ASPHD1: variants seen among roughly 807,000 people sequenced by gnomAD.
ASPHD1 encodes the protein aspartate beta-hydroxylase domain containing 1.
Under a neutral mutation model 28.3 loss-of-function variants are expected in ASPHD1, and 20 were observed. The observed-to-expected ratio is 0.71, with a 90% CI of 0.50 to 1.03. The LOEUF (loss-of-function observed/expected upper bound fraction) is 1.03, where lower values mean the gene tolerates loss of function less well. Among genes scored for constraint, ASPHD1 ranks in the 50% least tolerant of loss-of-function variants. The probability of loss-of-function intolerance (pLI) is 0.00; values close to 1 mark genes in which losing one functional copy is unlikely to be tolerated. For missense variants in ASPHD1, 479 were observed against 524.1 expected, an observed-to-expected ratio of 0.91 and a Z score of 0.84; for synonymous variants, 240 against 221.2, an observed-to-expected ratio of 1.08 and a Z score of -0.75.
intron 3 of ASPHD1, among the ~76,000 whole-genome samples, chr16:29,912,533 C>A (rs1269463399): frequency 6.6e-6 from 1 of 152,212 alleles, no homozygotes; most frequent in Non-Finnish European, 1.5e-5. Context: ...CTCCACCTCC[C>A]GGGTTAAAGC....
chr16:29,902,178 A>G (rs2068558969), intron 1 of ASPHD1, among the ~76,000 whole-genome samples: 1 of 152,180 alleles, frequency 6.6e-6, no homozygotes, highest in Non-Finnish European at 1.5e-5. Flanking sequence ...TACGTATTTA[A>G]AAGAAATATT....
downstream of ASPHD1, chr16:29,919,816 AT>A (rs1461937653): frequency 3.3e-5 from 5 of 152,166 alleles, no homozygotes; most frequent in Admixed American, 3.3e-4. Flanking sequence ...TTTTTAGATT[AT>A]TTGTGTTTCT....
At position 29,905,774 on chromosome 16, in the gene ASPHD1, C is replaced by G. The variant is rs2068602117; in HGVS notation, c.1064-14C>G. ...ATGTCAGTGGCTCTGCTGTTCCTGT[C>G]CCATGTGCCCTAGGCTCCCCCGAAG... On this transcript the variant is annotated splice_polypyrimidine_tract_variant and intron_variant, in intron 2 of 2. Coordinates refer to ENST00000308748, the MANE Select transcript of ASPHD1 (RefSeq NM_181718.4). 1.2e-6 allele frequency: 2 copies of G among 1,605,656 alleles called. No homozygotes were observed. The highest frequency in any genetic ancestry group is 2.2e-5 in the South Asian group (2 of 90,802).
In ASPHD1 at chr16:29,901,550, A is replaced by C; in HGVS notation, c.579A>C (p.Pro193=). ...GIQRPGLLFL[P]DLPSAPFVPR... is the part of the protein sequence containing the mutation. ...AGCGCCCAGGCCTGCTTTTCCTACC[A>C]GACCTGCCTTCAGCCCCCTTTGTGC... The change falls in exon 1 of 3, where the codon CCA becomes CCC. Residue 193 remains proline (P), a synonymous_variant. Coordinates refer to ENST00000308748, the MANE Select transcript of ASPHD1 (RefSeq NM_181718.4). This position sits in a 1 kb window ranked among gnomAD's most constrained non-coding sequence, Gnocchi z 5.1. 6.4e-7 allele frequency: 1 copy of C among 1,558,738 alleles called. No individual in the cohort carries two copies. Among genetic ancestry groups the C allele is most frequent in the Non-Finnish European group, 8.6e-7 (1 of 1,158,746 alleles).
chr16:29,906,560 C>A, downstream of ASPHD1: 1 of 512,292 alleles, frequency 2.0e-6, no homozygotes, highest in Non-Finnish European at 3.8e-6. Flanking sequence ...TTGGCATGGA[C>A]GATGCACTAA....
intron 3 of ASPHD1, chr16:29,912,099 TC>T: frequency 7.8e-7 from 1 of 1,280,586 alleles, no homozygotes; most frequent in Non-Finnish European, 1.1e-6. Context: ...GGCCACGTAC[TC>T]CCCCACTTAA....
chr16:29,911,768 T>A (rs1488313604), intron 3 of ASPHD1: 1 of 1,603,114 alleles, frequency 6.2e-7, no homozygotes, highest in Admixed American at 1.7e-5. Context: ...AGCAGGGCTG[T>A]GCTGCATCCC....
At position 29,902,883 on chromosome 16, in the gene ASPHD1, C is replaced by CTTTTTTTTTTTTTTTTTTTTTTTTT. The variant is rs370689330; in HGVS notation, c.949+968_949+969insTTTTTTTTTTTTTTTTTTTTTTTTT. On this transcript the variant is annotated intron_variant, in intron 1 of 2. Coordinates refer to ENST00000308748, the MANE Select transcript of ASPHD1 (RefSeq NM_181718.4). ...CAGTAGCACCAAACTGAGATTTTTT[C>CTTTTTTTTTTTTTTTTTTTTTTTTT]TTTTTCTTTTTTTTTTTTTTTTGAG... Among the ~76,000 whole-genome samples the CTTTTTTTTTTTTTTTTTTTTTTTTT allele has an allele frequency of 1.9e-5, 2 of 107,552 alleles. 1 individual carries two copies. Among genetic ancestry groups the CTTTTTTTTTTTTTTTTTTTTTTTTT allele is most frequent in the Non-Finnish European group, 3.6e-5 (2 of 55,072 alleles). The allele number at this position is 107,552 out of a possible 152,430, so 70.6% of individuals were successfully genotyped here.
chr16:29,907,883 A>C (rs975770685), downstream of ASPHD1, among the ~76,000 whole-genome samples: 1 of 152,050 alleles, frequency 6.6e-6, no homozygotes, highest in African/African-American at 2.4e-5. Flanking sequence ...CCTGACTGTA[A>C]TCCCAGCACA....
intron 3 of ASPHD1, chr16:29,912,159 G>T: frequency 1.4e-6 from 1 of 715,462 alleles, no homozygotes; most frequent in Non-Finnish European, 2.4e-6. Context: ...TCAGTGGTCC[G>T]CAGGGCTCTG....
At chr16:29,905,700 C>CTGT in intron 2 of ASPHD1, 88 bp from the exon 3 acceptor site, 1 of 580,358 alleles carries the variant, frequency 1.7e-6, no homozygotes, top group South Asian at 1.8e-5. Context: ...CACTTATTTA[C>CTGT]TGTTTGCTTT....
intron 3 of ASPHD1, chr16:29,913,956 A>C (rs2068762757): frequency 6.6e-6 from 1 of 152,192 alleles, no homozygotes; most frequent in African/African-American, 2.4e-5. Flanking sequence ...CAACCACCCA[A>C]GTAGCTGGGA....
chr16:29,900,589 G>A lies in ASPHD1; in HGVS notation c.-383G>A. The A allele has an allele frequency of 3.9e-6, 1 of 257,540 alleles. No homozygotes were observed. Among genetic ancestry groups the A allele is most frequent in the Non-Finnish European group, 7.5e-6 (1 of 134,022 alleles). The allele number at this position is 257,540 out of a possible 1,614,324, so 16.0% of individuals were successfully genotyped here. ...AGGGTGAGTGGGAGCCCAGGAAGGAGCGAGTAGGAGAGAGGGAGCGAGAGC... is the reference window on the plus strand; with the variant it reads ...AGGGTGAGTGGGAGCCCAGGAAGGAACGAGTAGGAGAGAGGGAGCGAGAGC... On this transcript the variant is annotated 5_prime_UTR_variant, in exon 1 of 3. Transcript: ENST00000308748.
chr16:29,903,022 G>A (rs1481846814), intron 1 of ASPHD1, among the ~76,000 whole-genome samples: 1 of 151,462 alleles, frequency 6.6e-6, no homozygotes, highest in Non-Finnish European at 1.5e-5. Context: ...TGAGTAGCTG[G>A]GACCACAGGT....
In ASPHD1 at chr16:29,900,952, G is replaced by A. The variant is rs1195966709; in HGVS notation, c.-20G>A. The A allele has an allele frequency of 1.9e-6, 3 of 1,548,020 alleles. No homozygotes were observed. In the African/African-American group the frequency reaches 4.1e-5, roughly 21 times the overall value. ...GGAGAGAGAAAGGGGAGAGAAAGGA[G>A]AGAGGAGGGTTGGAGGTGCATGAAG... On this transcript the variant is annotated 5_prime_UTR_variant, in exon 1 of 3. Coordinates refer to ENST00000308748, the MANE Select transcript of ASPHD1 (RefSeq NM_181718.4).
intron 3 of ASPHD1, among the ~76,000 whole-genome samples, chr16:29,916,371 G>C (rs1258927194): frequency 6.6e-6 from 1 of 152,058 alleles, no homozygotes; most frequent in Non-Finnish European, 1.5e-5. Flanking sequence ...TTACAAGTGT[G>C]AACCACTGTG....
chr16:29,907,047 G>C, downstream of ASPHD1: 2 of 1,613,916 alleles, frequency 1.2e-6, no homozygotes, highest in Non-Finnish European at 1.7e-6. Flanking sequence ...TGGGCCCCGG[G>C]GAGTCTCGTA....
At chr16:29,906,745 T>C (rs1309312570), downstream of ASPHD1, 2 of 748,332 alleles carry the variant, frequency 2.7e-6, no homozygotes, top group South Asian at 3.3e-5. Context: ...AGCTGTGCCA[T>C]GCAATGAAGG....
At chr16:29,907,395 G>T (rs1408273995), downstream of ASPHD1, among the ~76,000 whole-genome samples, 1 of 152,190 alleles carries the variant, frequency 6.6e-6, no homozygotes. Flanking sequence ...ACTGCACCAG[G>T]TATTGTTCTA....
Sources: gnomAD v4.1 joint callset for allele counts (sites outside exome capture counted in the v4.1 genomes callset) on GRCh38, gnomAD v4.1.1 for gene constraint, Gnocchi (gnomAD v3.1) non-coding constraint, MANE v1.5 for transcripts, NCBI Gene and HGNC (gene_info 2026-07-23, HGNC 2026-07-21) for gene names.